Variants in AIRE observed in about 807,000 individuals in gnomAD.
AIRE encodes the protein autoimmune polyendocrinopathy candidiasis ectodermal dystrophy protein.
In AIRE, 52 loss-of-function variants were observed where a neutral mutation model predicts 62.1. The observed-to-expected ratio is 0.84, with a 90% CI of 0.67 to 1.06. The LOEUF is 1.06. Among genes scored for constraint, AIRE ranks in the 50% least tolerant of loss-of-function variants. The pLI, the probability that AIRE is intolerant of heterozygous loss-of-function variation, is 0.00. For synonymous variants in AIRE, 342 were observed against 321.6 expected (o/e 1.06, Z -0.68); for missense variants, 774 against 755.8 (o/e 1.02, Z -0.28).
rs767627556 is a variant in AIRE, at chr21:44,292,960, G to A, written c.1096-33G>A. ...CCTGGGTGGTGCCGGGCAGGCGCCCGCTGCCCCTCTGATGCTGACCCTTGG... is the reference window on the plus strand; with the variant it reads ...CCTGGGTGGTGCCGGGCAGGCGCCCACTGCCCCTCTGATGCTGACCCTTGG... On this transcript the variant is annotated intron_variant, in intron 9 of 13. Coordinates refer to ENST00000291582, the MANE Select transcript of AIRE (RefSeq NM_000383.4). The A allele has an allele frequency of 1.7e-5, 28 of 1,604,494 alleles. No individual in the cohort carries two copies. In the African/African-American group the frequency reaches 2.9e-4, roughly 17 times the overall value.
At position 44,285,937 on chromosome 21, in the gene AIRE, C is replaced by T. The variant is rs2040476633; in HGVS notation, c.-70C>T. On this transcript the variant is annotated 5_prime_UTR_variant, in exon 1 of 14. Coordinates refer to ENST00000291582, the MANE Select transcript of AIRE (RefSeq NM_000383.4). ...CCACAGCCCCGCCGGGACCCGAGGCCAAGCGAGGGGCTGCCAGTGTCCCGG... is the reference window on the plus strand; with the variant it reads ...CCACAGCCCCGCCGGGACCCGAGGCTAAGCGAGGGGCTGCCAGTGTCCCGG... 6.9e-7 allele frequency: 1 copy of T among 1,458,930 alleles called. No individual in the cohort carries two copies. Among genetic ancestry groups the T allele is most frequent in the South Asian group, 1.3e-5 (1 of 79,060 alleles). 90.4% of individuals were successfully genotyped at this position (1,458,930 alleles called of 1,614,324 possible).
At position 44,285,948 on chromosome 21, in the gene AIRE, C is replaced by A; in HGVS notation, c.-59C>A. 6.7e-7 allele frequency: 1 copy of A among 1,486,314 alleles called. No individual in the cohort carries two copies. Among genetic ancestry groups the A allele is most frequent in the Non-Finnish European group, 8.9e-7 (1 of 1,119,198 alleles). The allele number at this position is 1,486,314 out of a possible 1,614,324, so 92.1% of individuals were successfully genotyped here. On this transcript the variant is annotated 5_prime_UTR_variant, in exon 1 of 14. It adds an upstream start codon to the 5' untranslated region. Coordinates refer to ENST00000291582, the MANE Select transcript of AIRE (RefSeq NM_000383.4). ...CCGGGACCCGAGGCCAAGCGAGGGG[C>A]TGCCAGTGTCCCGGGACCCACCGCG...
At chr21:44,296,093 G>A (rs1009318594) in intron 12 of AIRE, among the ~76,000 whole-genome samples, 2 of 152,170 alleles carry the variant, frequency 1.3e-5, no homozygotes, top group Admixed American at 1.3e-4. Context: ...CCCTCTCAGA[G>A]TGGGACTCCT....
Position 44,297,514 on chromosome 21 carries a change from G to A in AIRE, c.1567-142G>A. The A allele has an allele frequency of 1.3e-6, 1 of 774,038 alleles. No homozygotes were observed. The highest frequency in any genetic ancestry group is 2.2e-6 in the Non-Finnish European group (1 of 450,254). 47.9% of individuals were successfully genotyped at this position (774,038 alleles called of 1,614,324 possible). A position where few individuals can be genotyped will look rare whatever the true frequency, so the allele number is the denominator to read the frequency against. On this transcript the variant is annotated intron_variant, in intron 13 of 13. Coordinates refer to ENST00000291582, the MANE Select transcript of AIRE (RefSeq NM_000383.4). This position sits in a 1 kb window ranked among gnomAD's most constrained non-coding sequence, Gnocchi z 4.8. ...GACAGGGTCCTCCCCAGACTGGCCT[G>A]TGCCATGGGGCCTCGGGCCTCAGTT...
At chr21:44,288,673 G>C in intron 5 of AIRE, 2 of 562,670 alleles carry the variant, frequency 3.6e-6, no homozygotes, top group South Asian at 4.2e-5. Context: ...CAGCGGTCCA[G>C]GCCCACATCC....
At position 44,292,368 on chromosome 21, in the gene AIRE, G is replaced by T. The variant is rs867985822; in HGVS notation, c.1062G>T (p.Glu354Asp). 6.4e-7 allele frequency: 1 copy of T among 1,564,244 alleles called. No homozygotes were observed. The highest frequency in any genetic ancestry group is 8.7e-7 in the Non-Finnish European group (1 of 1,154,318). Residue 354 changes from glutamate (E) to aspartate (D), a missense_variant, in exon 9 of 14, where the codon GAG (glutamate) becomes GAT (aspartate). This residue lies in a region of AIRE where 354 missense variants were observed against 296.1 expected (regional missense o/e 1.20). Coordinates refer to ENST00000291582, the MANE Select transcript of AIRE (RefSeq NM_000383.4). ...AGGAGGTGCAGCCCCGGGCAGAGGAGCCCCGGCCCCAGGAGCCACCCGTGG... is the reference window on the plus strand; with the variant it reads ...AGGAGGTGCAGCCCCGGGCAGAGGATCCCCGGCCCCAGGAGCCACCCGTGG... Reference protein sequence around the residue: ...TVQEVQPRAEEPRPQEPPVET... With the variant: ...TVQEVQPRAEDPRPQEPPVET...
At position 44,293,189 on chromosome 21, in the gene AIRE, G is replaced by C. The variant is rs531306304; in HGVS notation, c.1278+14G>C. 1.3e-6 allele frequency: 2 copies of C among 1,542,062 alleles called. No individual in the cohort carries two copies. The highest frequency in any genetic ancestry group is 1.4e-5 in the African/African-American group (1 of 73,464). On this transcript the variant is annotated intron_variant, in intron 10 of 13. Transcript: ENST00000291582. ...GAGGGTCAGCAGGTGAGCGGGGAGT[G>C]GGGGTCAGGGTGGGCTCTTCAAGGA... is the stretch of plus-strand genomic sequence containing the variant.
In AIRE at chr21:44,297,616, G is replaced by A. The variant is rs762444350; in HGVS notation, c.1567-40G>A. 4.4e-5 allele frequency: 67 copies of A among 1,537,030 alleles called. 1 individual carries two copies. Among genetic ancestry groups the A allele is most frequent in the Admixed American group, 1.3e-4 (8 of 59,812 alleles). ...GGCCATGATTCTGTGGCTGCGGCGG[G>A]GGCGCACCTGGAGGTTCTCACCGTC... On this transcript the variant is annotated intron_variant, in intron 13 of 13. Transcript: ENST00000291582. This position sits in a 1 kb window ranked among gnomAD's most constrained non-coding sequence, Gnocchi z 4.8.
At chr21:44,294,117 C>T (rs2040579111) in intron 11 of AIRE, among the ~76,000 whole-genome samples, 1 of 145,112 alleles carries the variant, frequency 6.9e-6, no homozygotes, top group Non-Finnish European at 1.5e-5. Flanking sequence ...CCCACCCACA[C>T]CCTACTCCCC....
rs373277723 is a variant in AIRE at position 44,288,465 on chromosome 21, G to T, written c.652+7G>T. ...CAGCAGGTGTTTGAGTCAGGTAGACGCTGTGGCGGGGAGATGGGGCTGATG... is the reference window on the plus strand; with the variant it reads ...CAGCAGGTGTTTGAGTCAGGTAGACTCTGTGGCGGGGAGATGGGGCTGATG... On this transcript the variant is annotated splice_region_variant and intron_variant, in intron 5 of 13. Coordinates refer to ENST00000291582, the MANE Select transcript of AIRE (RefSeq NM_000383.4). 1.3e-6 allele frequency: 2 copies of T among 1,580,424 alleles called. No individual in the cohort carries two copies. The highest frequency in any genetic ancestry group is 2.2e-5 in the South Asian group (2 of 90,404).
chr21:44,296,228 C>T (rs1187517511), intron 12 of AIRE, among the ~76,000 whole-genome samples, 155 bp from the exon 13 acceptor site: 2 of 152,156 alleles, frequency 1.3e-5, no homozygotes, highest in East Asian at 1.9e-4. Flanking sequence ...ATCATGCCCA[C>T]GCAGCCCTGT....
At chr21:44,289,527 G>A (rs1176165359) in intron 5 of AIRE, 130 bp from the exon 6 acceptor site, 2 of 1,325,312 alleles carry the variant, frequency 1.5e-6, no homozygotes, top group Non-Finnish European at 2.1e-6. Context: ...CTGGGGTGGG[G>A]GCGGGCTGGA....
At position 44,286,464 on chromosome 21, in the gene AIRE, G is replaced by C; in HGVS notation, c.133-93G>C. On this transcript the variant is annotated intron_variant, in intron 1 of 13. Transcript: ENST00000291582. The surrounding 1 kb of genome is among the most constrained non-coding windows in gnomAD (Gnocchi z 6.0). ...AGCTGTCCAGGTCGCCAGCGCCTCTGCCTGGGAGCTCCACCCTCTAGTCAT... is the reference window on the plus strand; with the variant it reads ...AGCTGTCCAGGTCGCCAGCGCCTCTCCCTGGGAGCTCCACCCTCTAGTCAT... 1 of 1,414,370 alleles carries C rather than the reference G, an allele frequency of 7.1e-7. No homozygotes were observed. The highest frequency in any genetic ancestry group is 9.7e-7 in the Non-Finnish European group (1 of 1,034,362). 87.6% of individuals were successfully genotyped at this position (1,414,370 alleles called of 1,614,324 possible). A position where few individuals can be genotyped will look rare whatever the true frequency, so the allele number is the denominator to read the frequency against.
In AIRE at chr21:44,297,083, C is replaced by T. The variant is rs139973988; in HGVS notation, c.1567-573C>T. Among the ~76,000 whole-genome samples the T allele has an allele frequency of 5.8e-4, 89 of 152,336 alleles. No individual in the cohort carries two copies. The highest frequency in any genetic ancestry group is 1.2e-3 in the Non-Finnish European group (79 of 68,008). ...GTGGCCGTGCCCCACACACCCTGAC[C>T]GTGCAGGTGTCTGCAGAGCCCCAGG... On this transcript the variant is annotated intron_variant, in intron 13 of 13. Coordinates refer to ENST00000291582, the MANE Select transcript of AIRE (RefSeq NM_000383.4). The surrounding 1 kb of genome is among the most constrained non-coding windows in gnomAD (Gnocchi z 4.8).
rs2040480569 is a variant in AIRE at position 44,286,223 on chromosome 21, C to G, written c.132+85C>G. ...GGGAAGTTCCAGGAGGACCCCGCCC[C>G]TCCAGATCCCCAAGCCCCTCCAGCC... On this transcript the variant is annotated intron_variant, in intron 1 of 13. Transcript: ENST00000291582. The surrounding 1 kb of genome is among the most constrained non-coding windows in gnomAD (Gnocchi z 6.0). 2.9e-6 allele frequency: 4 copies of G among 1,403,030 alleles called. No homozygotes were observed. Among genetic ancestry groups the G allele is most frequent in the African/African-American group, 1.4e-5 (1 of 69,552 alleles). 86.9% of individuals were successfully genotyped at this position (1,403,030 alleles called of 1,614,324 possible). A position where few individuals can be genotyped will look rare whatever the true frequency, so the allele number is the denominator to read the frequency against.
At chr21:44,291,353 C>G in intron 8 of AIRE, 143 bp downstream of exon 8, 1 of 1,380,424 alleles carries the variant, frequency 7.2e-7, no homozygotes, top group Admixed American at 2.0e-5. Context: ...GCCGTGGGGC[C>G]GGGGCCTGGG....
rs868650327 is a variant in AIRE at position 44,285,883 on chromosome 21, C to T, written c.-124C>T. The T allele has an allele frequency of 3.9e-5, 38 of 985,114 alleles. No homozygotes were observed. Among genetic ancestry groups the T allele is most frequent in the Non-Finnish European group, 5.1e-5 (37 of 730,452 alleles). The allele number at this position is 985,114 out of a possible 1,614,324, so 61.0% of individuals were successfully genotyped here. A position where few individuals can be genotyped will look rare whatever the true frequency, so the allele number is the denominator to read the frequency against. ...GCGCGTGGCTCGCAGACCGGGGAGA[C>T]GGGCGGGCGCACAGCCGGCGCGGAG... is the stretch of plus-strand genomic sequence containing the variant. On this transcript the variant is annotated 5_prime_UTR_variant, in exon 1 of 14. The change creates a new upstream start codon in the 5' untranslated region. Coordinates refer to ENST00000291582, the MANE Select transcript of AIRE (RefSeq NM_000383.4).
At position 44,297,993 on chromosome 21, in the gene AIRE, G is replaced by A. The variant is rs545595006; in HGVS notation, c.*266G>A. The A allele has an allele frequency of 1.2e-4, 56 of 454,002 alleles. No individual in the cohort carries two copies. The highest frequency in any genetic ancestry group is 9.1e-4 in the African/African-American group (46 of 50,350). The allele number at this position is 454,002 out of a possible 1,614,324, so 28.1% of individuals were successfully genotyped here. On this transcript the variant is annotated 3_prime_UTR_variant, in exon 14 of 14. Coordinates refer to ENST00000291582, the MANE Select transcript of AIRE (RefSeq NM_000383.4). This position sits in a 1 kb window ranked among gnomAD's most constrained non-coding sequence, Gnocchi z 4.8. ...CTAAAAATATAAAAATTAGCTGGGT[G>A]TGGTGGTGGGTGCCTGTAATCCCAG...
intron 8 of AIRE, among the ~76,000 whole-genome samples, chr21:44,291,793 G>C (rs1159472638): frequency 6.6e-6 from 1 of 152,162 alleles, no homozygotes; most frequent in Admixed American, 6.5e-5. Flanking sequence ...CCCACGTTCA[G>C]GCGAGGCTCT....
Sources: gnomAD v4.1 joint callset for allele counts (sites outside exome capture counted in the v4.1 genomes callset) on GRCh38, gnomAD v4.1.1 for gene constraint, gnomAD v4.1.1 regional missense constraint, Gnocchi (gnomAD v3.1) non-coding constraint, MANE v1.5 for transcripts, NCBI Gene and HGNC (gene_info 2026-07-23, HGNC 2026-07-21) for gene names.